SLC13A4: variants seen among roughly 807,000 people sequenced by gnomAD.
The protein encoded by SLC13A4 is solute carrier family 13 member 4.
In SLC13A4, 28 loss-of-function variants were observed where a neutral mutation model predicts 72.7. The ratio of observed to expected loss-of-function variants is 0.39; its 90% CI spans 0.29 to 0.53. The LOEUF is 0.53. SLC13A4 is among the 20% of genes least tolerant of loss of function. SLC13A4 has a pLI of 0.78. For missense variants in SLC13A4, 653 were observed against 788.0 expected, an observed-to-expected ratio of 0.83 and a Z score of 2.05; for synonymous variants, 312 against 325.5, an observed-to-expected ratio of 0.96 and a Z score of 0.45.
At chr7:135,715,216 TGTGTATATGTGA>T (rs991025647) in intron 2 of SLC13A4, among the ~76,000 whole-genome samples, 4 of 147,746 alleles carry the variant, frequency 2.7e-5, no homozygotes, top group African/African-American at 9.8e-5. Flanking sequence ...TGTGCATGAG[TGTGTATATGTGA>T]GTGTATGTGT....
intron 2 of SLC13A4, among the ~76,000 whole-genome samples, chr7:135,714,959 T>A (rs1563168570): frequency 2.6e-5 from 4 of 151,392 alleles, no homozygotes; most frequent in African/African-American, 9.7e-5. Flanking sequence ...TGAGAGTGTG[T>A]GTGAGTGTGT....
chr7:135,721,670 C>T (rs771782123), intron 1 of SLC13A4, 147 bp from the exon 2 acceptor site: 38 of 947,418 alleles, frequency 4.0e-5, no homozygotes, highest in African/African-American at 5.0e-5. Flanking sequence ...AACTGGCAGG[C>T]GAGCATGGTG....
At position 135,705,736 on chromosome 7, in the gene SLC13A4, C is replaced by T. The variant is rs975915377; in HGVS notation, c.539-86G>A. 3.2e-5 allele frequency: 37 copies of T among 1,155,980 alleles called. No individual in the cohort carries two copies. The East Asian group carries it at 3.3e-4, about 10-fold the overall frequency. 71.6% of individuals were successfully genotyped at this position (1,155,980 alleles called of 1,614,324 possible). A position where few individuals can be genotyped will look rare whatever the true frequency, so the allele number is the denominator to read the frequency against. On this transcript the variant is annotated intron_variant, in intron 4 of 15. Coordinates refer to ENST00000682651, the MANE Select transcript of SLC13A4 (RefSeq NM_001318192.2). ...TGGAGCATAGCTCAAGGGCTTAGGGCGGAGGTGGGCCATATGGAGTGGGTG... is the reference window on the plus strand; with the variant it reads ...TGGAGCATAGCTCAAGGGCTTAGGGTGGAGGTGGGCCATATGGAGTGGGTG...
intron 2 of SLC13A4, among the ~76,000 whole-genome samples, chr7:135,715,604 T>C (rs1208808421): frequency 1.3e-5 from 2 of 152,168 alleles, no homozygotes; most frequent in Non-Finnish European, 2.9e-5. Flanking sequence ...ACCCTAACCC[T>C]GGGCCTCCTG....
intron 2 of SLC13A4, among the ~76,000 whole-genome samples, chr7:135,717,872 T>C (rs1796462073): frequency 6.6e-6 from 1 of 152,032 alleles, no homozygotes; most frequent in African/African-American, 2.4e-5. Flanking sequence ...ATTTGCCTCC[T>C]TTTTCCAGTC....
rs564993647 is a variant in SLC13A4, at chr7:135,681,545, C to T, written c.*18G>A. ...ATACTGGCAGCTCCTGTGGTTGGGCCAGTTTGTACACTTGGCGTTAGGCTT... is the reference window on the plus strand; with the variant it reads ...ATACTGGCAGCTCCTGTGGTTGGGCTAGTTTGTACACTTGGCGTTAGGCTT... On this transcript the variant is annotated 3_prime_UTR_variant, in exon 16 of 16. Transcript: ENST00000682651. The T allele has an allele frequency of 6.2e-7, 1 of 1,608,988 alleles. No individual in the cohort carries two copies. The highest frequency in any genetic ancestry group is 1.1e-5 in the South Asian group (1 of 90,290).
chr7:135,725,210 G>A (rs538554869), intron 1 of SLC13A4, among the ~76,000 whole-genome samples: 11 of 152,334 alleles, frequency 7.2e-5, no homozygotes, highest in Non-Finnish European at 1.5e-4. Flanking sequence ...CATGTAGGAC[G>A]TTTCCTAGTC....
intron 5 of SLC13A4, chr7:135,704,843 G>A (rs1584729893): frequency 6.6e-6 from 1 of 152,208 alleles, no homozygotes; most frequent in African/African-American, 2.4e-5. Context: ...ACCCTTCCAC[G>A]TCTGTCCCAC....
chr7:135,682,440 A>G lies in SLC13A4; in HGVS notation c.1747-740T>C, dbSNP rs75205454. 8.3e-3 allele frequency among the ~76,000 whole-genome samples: 1,270 copies of G among 152,374 alleles called. 23 individuals carry two copies. The highest frequency in any genetic ancestry group is 0.057 in the East Asian group (298 of 5,190). ...CCCAAGGAGTAACCAGGCATATAGC[A>G]TGTAGCCAAGACAAGTCACTAGCTG... On this transcript the variant is annotated intron_variant, in intron 15 of 15. Transcript: ENST00000682651.
chr7:135,726,404 G>T (rs3110817), intron 1 of SLC13A4, among the ~76,000 whole-genome samples: 108,739 of 152,142 alleles, frequency 0.71, 39,405 homozygotes, highest in African/African-American at 0.83. Context: ...CTGTTTAACT[G>T]TTTAACTTAA....
chr7:135,681,770 C>T, intron 15 of SLC13A4, 70 bp from the exon 16 acceptor site: 4 of 1,567,256 alleles, frequency 2.6e-6, no homozygotes, highest in Non-Finnish European at 3.5e-6. Flanking sequence ...AGTCCCCCTT[C>T]TGTTCCTGCA....
At chr7:135,726,866 C>G (rs1044009132) in intron 1 of SLC13A4, among the ~76,000 whole-genome samples, 4 of 152,204 alleles carry the variant, frequency 2.6e-5, no homozygotes, top group African/African-American at 9.6e-5. Context: ...AGTTGATAGG[C>G]GCCTTCGGGA....
At chr7:135,697,907 G>T (rs1312515597) in intron 8 of SLC13A4, among the ~76,000 whole-genome samples, 1 of 152,132 alleles carries the variant, frequency 6.6e-6, no homozygotes, top group African/African-American at 2.4e-5. Flanking sequence ...CTTCAGGGAG[G>T]CATTTCCTCC....
At chr7:135,695,997 A>G (rs996341819) in intron 8 of SLC13A4, among the ~76,000 whole-genome samples, 2 of 152,194 alleles carry the variant, frequency 1.3e-5, no homozygotes, top group African/African-American at 4.8e-5. Context: ...ATCAACATCC[A>G]CTGGTCTCAG....
chr7:135,719,781 ATGTG>A (rs968225969), intron 2 of SLC13A4, among the ~76,000 whole-genome samples: 21 of 146,112 alleles, frequency 1.4e-4, no homozygotes, highest in Non-Finnish European at 2.4e-4. Context: ...TCAATGCCAC[ATGTG>A]TGTGTGTGTG....
intron 7 of SLC13A4, 94 bp from the exon 8 acceptor site, chr7:135,699,642 G>A (rs1216981836): frequency 1.8e-6 from 2 of 1,133,554 alleles, no homozygotes; most frequent in African/African-American, 1.6e-5. Context: ...AGCGGAAAGG[G>A]TTTGAGCTTG....
At chr7:135,694,320 G>T in intron 9 of SLC13A4, 82 bp from the exon 10 acceptor site, 2 of 827,072 alleles carry the variant, frequency 2.4e-6, no homozygotes, top group Non-Finnish European at 2.0e-6. Flanking sequence ...ATACTAAACC[G>T]CTTGCCTGCT....
Position 135,713,512 on chromosome 7 carries a change from T to G in SLC13A4, c.229-5262A>C, listed in dbSNP as rs111933888. Among the ~76,000 whole-genome samples, 8 of 152,354 alleles carry G rather than the reference T, an allele frequency of 5.3e-5. 1 individual carries two copies. Among genetic ancestry groups the G allele is most frequent in the South Asian group, 2.1e-4 (1 of 4,826 alleles). Reference sequence around the variant, plus strand: ...ATGCTACATAGCTAATTTAATCTGCTGTGACATGGGCTTTACACATAAGAT... The same window carrying G: ...ATGCTACATAGCTAATTTAATCTGCGGTGACATGGGCTTTACACATAAGAT... On this transcript the variant is annotated intron_variant, in intron 2 of 15. Transcript: ENST00000682651.
chr7:135,706,030 TG>T, intron 4 of SLC13A4, 97 bp downstream of exon 4: 1 of 1,183,478 alleles, frequency 8.4e-7, no homozygotes, highest in Non-Finnish European at 1.2e-6. Flanking sequence ...GGTCCTGGGG[TG>T]GGCACAAAGT....
Sources: allele counts gnomAD v4.1 joint callset (sites outside exome capture counted in the v4.1 genomes callset), GRCh38; gene constraint gnomAD v4.1.1; transcripts MANE v1.5; gene names NCBI Gene and HGNC (gene_info 2026-07-23, HGNC 2026-07-21).